Variants in ADCY2 observed in about 807,000 individuals in gnomAD.
ADCY2 encodes the protein adenylate cyclase type 2.
In ADCY2, 31 loss-of-function variants were observed where a neutral mutation model predicts 125.2. The ratio of observed to expected loss-of-function variants is 0.25; its 90% CI spans 0.19 to 0.33. The LOEUF (loss-of-function observed/expected upper bound fraction) is 0.33. Ranked by LOEUF, ADCY2 falls within the 10% of genes least tolerant of loss-of-function variation. The pLI is 1.00. For synonymous variants in ADCY2, 512 were observed against 548.4 expected (o/e 0.93, Z 0.93); for missense variants, 904 against 1,418.2 (o/e 0.64, Z 5.82).
At chr5:7,473,615 G>T (rs1253970348) in intron 2 of ADCY2, among the ~76,000 whole-genome samples, 1 of 152,144 alleles carries the variant, frequency 6.6e-6, no homozygotes, top group Non-Finnish European at 1.5e-5. Context: ...TTTCTCCCAG[G>T]TGTAGTAGAT....
chr5:7,667,479 A>G (rs1489608754), intron 4 of ADCY2, among the ~76,000 whole-genome samples: 1 of 152,126 alleles, frequency 6.6e-6, no homozygotes, highest in Non-Finnish European at 1.5e-5. Flanking sequence ...AGTATTTAAG[A>G]TGTGTGATTC....
intron 3 of ADCY2, among the ~76,000 whole-genome samples, chr5:7,525,484 C>T (rs186963345): frequency 1.1e-3 from 174 of 152,236 alleles, no homozygotes; most frequent in Non-Finnish European, 2.1e-3. Flanking sequence ...GGCCTAAAAT[C>T]AACCCTCTCT....
intron 2 of ADCY2, among the ~76,000 whole-genome samples, chr5:7,511,729 C>T (rs1481216677): frequency 6.6e-6 from 1 of 151,918 alleles, no homozygotes; most frequent in Non-Finnish European, 1.5e-5. Flanking sequence ...TGGGGAAGGA[C>T]TTTGGGGCAG....
chr5:7,588,042 G>A (rs1381539942), intron 3 of ADCY2, among the ~76,000 whole-genome samples: 1 of 152,102 alleles, frequency 6.6e-6, no homozygotes, highest in Admixed American at 6.6e-5. Context: ...TACAATCCCT[G>A]TTATTGTTAC....
At chr5:7,797,399 C>T (rs936375140) in intron 20 of ADCY2, 5 of 152,276 alleles carry the variant, frequency 3.3e-5, no homozygotes, top group Non-Finnish European at 7.3e-5. Context: ...CTCCAACCCC[C>T]ATGCCCACCT....
At chr5:7,700,949 T>C (rs1741057919) in intron 7 of ADCY2, among the ~76,000 whole-genome samples, 1 of 152,044 alleles carries the variant, frequency 6.6e-6, no homozygotes, top group African/African-American at 2.4e-5. Context: ...ATAGCCATAA[T>C]TGCTTCTTCC....
At chr5:7,666,041 T>C (rs1486960003) in intron 4 of ADCY2, among the ~76,000 whole-genome samples, 2 of 151,106 alleles carry the variant, frequency 1.3e-5, no homozygotes, top group Non-Finnish European at 3.0e-5. Flanking sequence ...GGTTTCACCA[T>C]GTTAGCCAGG....
At chr5:7,420,460 G>A (rs1057166295) in intron 2 of ADCY2, among the ~76,000 whole-genome samples, 1 of 152,064 alleles carries the variant, frequency 6.6e-6, no homozygotes, top group Non-Finnish European at 1.5e-5. Flanking sequence ...GAGTCACTGG[G>A]AAAATAAGGA....
At chr5:7,510,933 G>A (rs1744032207) in intron 2 of ADCY2, among the ~76,000 whole-genome samples, 1 of 152,202 alleles carries the variant, frequency 6.6e-6, no homozygotes, top group Non-Finnish European at 1.5e-5. Context: ...CCATCGAGGT[G>A]CTGCCTGAGG....
chr5:7,607,063 C>T (rs113534839), intron 3 of ADCY2, among the ~76,000 whole-genome samples: 3,134 of 152,234 alleles, frequency 0.021, 108 homozygotes, highest in African/African-American at 0.072. Context: ...GTTCTGCCTT[C>T]GCTTCCCTCC....
chr5:7,457,130 T>G (rs975447593), intron 2 of ADCY2, among the ~76,000 whole-genome samples: 2 of 152,140 alleles, frequency 1.3e-5, no homozygotes, highest in Non-Finnish European at 2.9e-5. Context: ...ACCAAGAATG[T>G]TGAAATTTTT....
At chr5:7,820,442 C>T in intron 23 of ADCY2, 123 bp from the exon 24 acceptor site, 1 of 1,280,894 alleles carries the variant, frequency 7.8e-7, no homozygotes, top group Non-Finnish European at 1.1e-6. Flanking sequence ...TGCAGTCAGC[C>T]AAGATTGCGC....
intron 2 of ADCY2, among the ~76,000 whole-genome samples, chr5:7,487,319 C>T (rs1742972595): frequency 1.3e-5 from 2 of 152,146 alleles, no homozygotes; most frequent in Non-Finnish European, 2.9e-5. Flanking sequence ...CTGAAATGAC[C>T]CCCACCATCA....
chr5:7,397,421 G>A lies in ADCY2; in HGVS notation c.210+915G>A, dbSNP rs72725263. Among the ~76,000 whole-genome samples the A allele has an allele frequency of 2.0e-3, 291 of 147,442 alleles. 1 individual carries two copies. The highest frequency in any genetic ancestry group is 3.9e-3 in the East Asian group (19 of 4,856). On this transcript the variant is annotated intron_variant, in intron 1 of 24. Coordinates refer to ENST00000338316, the MANE Select transcript of ADCY2 (RefSeq NM_020546.3). ...TGACATGCATGTGCAGATTTTGTGC[G>A]AGGCATTGATTATCCACCAGTGAGT...
intron 4 of ADCY2, among the ~76,000 whole-genome samples, chr5:7,628,579 AAAG>A (rs1738207332): frequency 6.6e-6 from 1 of 152,208 alleles, no homozygotes; most frequent in Admixed American, 6.5e-5. Context: ...TTTTAAAAAT[AAAG>A]AAAGTGAGAA....
chr5:7,541,365 T>C (rs1579554245), intron 3 of ADCY2, among the ~76,000 whole-genome samples: 1 of 152,298 alleles, frequency 6.6e-6, no homozygotes, highest in Non-Finnish European at 1.5e-5. Context: ...AGAATACACA[T>C]CCTTTCCCAT....
intron 16 of ADCY2, among the ~76,000 whole-genome samples, chr5:7,759,294 G>T (rs1176972791): frequency 6.6e-6 from 1 of 152,162 alleles, no homozygotes; most frequent in Non-Finnish European, 1.5e-5. Context: ...GCCCTGATGT[G>T]GGCTCCCCAG....
chr5:7,718,656 T>C (rs547321179), intron 12 of ADCY2, among the ~76,000 whole-genome samples: 6 of 152,214 alleles, frequency 3.9e-5, no homozygotes, highest in African/African-American at 1.2e-4. Flanking sequence ...TAGATGCCCT[T>C]CCTGTGCTAC....
chr5:7,551,672 A>G (rs1314938645), intron 3 of ADCY2, among the ~76,000 whole-genome samples: 1 of 152,262 alleles, frequency 6.6e-6, no homozygotes, highest in East Asian at 1.9e-4. Flanking sequence ...TGAACAGCCA[A>G]CACTGATATC....
Sources: gnomAD v4.1 joint callset for allele counts (sites outside exome capture counted in the v4.1 genomes callset) on GRCh38, gnomAD v4.1.1 for gene constraint, MANE v1.5 for transcripts, NCBI Gene and HGNC (gene_info 2026-07-23, HGNC 2026-07-21) for gene names.